F5: variants seen among roughly 807,000 people sequenced by gnomAD.
F5 encodes activated protein c cofactor.
F5 carries 138 observed loss-of-function variants against 216.4 expected under a neutral mutation model. The observed-to-expected ratio is 0.64, with a 90% CI of 0.56 to 0.73. The LOEUF is 0.73. F5 is among the 30% of genes least tolerant of loss of function. F5 has a pLI of 0.00. For synonymous variants in F5, 916 were observed against 930.7 expected, an observed-to-expected ratio of 0.98 and a Z score of 0.29; for missense variants, 2,403 against 2,674.0, an observed-to-expected ratio of 0.90 and a Z score of 2.24.
intron 2 of F5, among the ~76,000 whole-genome samples, chr1:169,577,792 G>C (rs1020933593): frequency 6.6e-6 from 1 of 151,394 alleles, no homozygotes; most frequent in Non-Finnish European, 1.5e-5. Context: ...GACCCCAGCT[G>C]TACTCCCTCA....
rs139113111 is a variant in F5 at position 169,542,699 on chromosome 1, G to A, written c.2391C>T (p.Ala797=). Reference sequence around the variant, plus strand: ...CTGTGGTGGCTTGTTGGTGAGAAGGGGCTTTCTGAGGTTCTGCAAGGTTAT... The same window carrying A: ...CTGTGGTGGCTTGTTGGTGAGAAGGAGCTTTCTGAGGTTCTGCAAGGTTAT... ...TVNNLAEPQK[A]PSHQQATTAG... Residue 797 remains alanine (A), a synonymous_variant, in exon 13 of 25, where the codon GCC becomes GCT. Coordinates refer to ENST00000367797, the MANE Select transcript of F5 (RefSeq NM_000130.5). 8.1e-6 allele frequency: 13 copies of A among 1,613,946 alleles called. No individual in the cohort carries two copies. The highest frequency in any genetic ancestry group is 7.6e-6 in the Non-Finnish European group (9 of 1,180,004).
chr1:169,533,704 C>T lies in F5; in HGVS notation c.4972-2682G>A, dbSNP rs147838710. ...TCAATACCACAGTGAAATACCATCT[C>T]ACACCAGTCAGAATGGCTATTAGTA... On this transcript the variant is annotated intron_variant, in intron 14 of 24. Transcript: ENST00000367797. Among the ~76,000 whole-genome samples the T allele has an allele frequency of 6.7e-3, 1,025 of 152,216 alleles. 7 individuals are homozygous for T. The highest frequency in any genetic ancestry group is 0.024 in the African/African-American group (983 of 41,532).
intron 19 of F5, among the ~76,000 whole-genome samples, chr1:169,524,613 G>C (rs1057113140): frequency 2.6e-5 from 4 of 152,164 alleles, no homozygotes; most frequent in African/African-American, 9.7e-5. Context: ...CACCAGAAGA[G>C]GTGGCAGTGT....
At position 169,556,713 on chromosome 1, in the gene F5, G is replaced by A. The variant is rs148752831; in HGVS notation, c.885C>T (p.Thr295=). The A allele has an allele frequency of 8.6e-5, 139 of 1,613,964 alleles. No homozygotes were observed. The African/African-American group carries it at 1.4e-3, about 17-fold the overall frequency. The change falls in exon 6 of 25, where the codon ACC becomes ACT. Residue 295 remains threonine, a synonymous_variant. Coordinates refer to ENST00000367797, the MANE Select transcript of F5 (RefSeq NM_000130.5). ...CCTCTGGGCCCACAGTCATATTTGC[G>A]GTAGTGGATGTAGCACTGACAAGGG... ...AITLVSATST[T]ANMTVGPEGK...
At chr1:169,543,648 C>G (rs150419460) in intron 12 of F5, among the ~76,000 whole-genome samples, 1 of 152,294 alleles carries the variant, frequency 6.6e-6, no homozygotes, top group East Asian at 1.9e-4. Flanking sequence ...TTTTGAATCT[C>G]TGAAATGGCA....
Position 169,529,717 on chromosome 1 carries a change from G to C in F5, c.5310C>G (p.Val1770=). ...TTTCATCAAAGGTCATAAATAGTAA[G>C]ACAAATTCTCTCATGTCCATAGGCA... ...SNMPMDMREF[V]LLFMTFDEKK... The change falls in exon 16 of 25, where the codon GTC becomes GTG. Residue 1770 remains valine, a synonymous_variant. Coordinates refer to ENST00000367797, the MANE Select transcript of F5 (RefSeq NM_000130.5). The C allele has an allele frequency of 6.2e-7, 1 of 1,613,756 alleles. No individual in the cohort carries two copies. The highest frequency in any genetic ancestry group is 8.5e-7 in the Non-Finnish European group (1 of 1,179,776).
Position 169,520,638 on chromosome 1 carries a change from A to G in F5, c.6075T>C (p.Ser2025=). The change falls in exon 22 of 25, where the codon TCT becomes TCC. Residue 2025 remains serine, a synonymous_variant. Transcript: ENST00000367797. ...GGTCAAACTGATTCTCTTTTATTGT[A>G]GAGGCATCTGAATTGCCATTAAAAT... ...VMYFNGNSDA[S]TIKENQFDPP... 1 of 1,613,892 alleles carries G rather than the reference A, an allele frequency of 6.2e-7. No individual in the cohort carries two copies.
chr1:169,544,887 G>A (rs190348145), intron 11 of F5, among the ~76,000 whole-genome samples: 1 of 152,148 alleles, frequency 6.6e-6, no homozygotes, highest in Non-Finnish European at 1.5e-5. Flanking sequence ...TAGTCATTGG[G>A]TAAGAAGTAA....
At chr1:169,554,738 T>C (rs1660270466) in intron 7 of F5, among the ~76,000 whole-genome samples, 2 of 152,250 alleles carry the variant, frequency 1.3e-5, no homozygotes, top group South Asian at 2.1e-4. Flanking sequence ...GTGAATGTGA[T>C]AGATAAAAGT....
intron 2 of F5, among the ~76,000 whole-genome samples, chr1:169,580,550 A>G (rs1660964763): frequency 6.6e-6 from 1 of 151,818 alleles, no homozygotes; most frequent in Non-Finnish European, 1.5e-5. Context: ...TGCACAACTA[A>G]TTTTTGTATT....
At chr1:169,555,089 A>C in intron 7 of F5, 93 bp downstream of exon 7, 1 of 1,403,508 alleles carries the variant, frequency 7.1e-7, no homozygotes, top group Non-Finnish European at 1.0e-6. Context: ...TGTCCCCTTG[A>C]GAGCTGTGAA....
At chr1:169,549,733 A>C in intron 10 of F5, 68 bp downstream of exon 10, 1 of 1,156,756 alleles carries the variant, frequency 8.6e-7, no homozygotes, top group Non-Finnish European at 1.3e-6. Flanking sequence ...TTTAGCCAGG[A>C]GACCTAACAT....
intron 12 of F5, 68 bp downstream of exon 12, chr1:169,544,228 G>C (rs1427053626): frequency 7.4e-7 from 1 of 1,347,164 alleles, no homozygotes. Flanking sequence ...CTGGAGAGTT[G>C]CAGCAGACCT....
intron 13 of F5, among the ~76,000 whole-genome samples, chr1:169,538,092 A>T (rs551328390): frequency 3.3e-4 from 51 of 152,302 alleles, no homozygotes; most frequent in African/African-American, 1.1e-3. Context: ...TCTATAAACA[A>T]ATGAATGGAT....
Position 169,529,783 on chromosome 1 carries a change from G to A in F5, c.5244C>T (p.Leu1748=), listed in dbSNP as rs756292631. Residue 1748 remains leucine, a synonymous_variant, in exon 16 of 25, where the codon CTC becomes CTT. Coordinates refer to ENST00000367797, the MANE Select transcript of F5 (RefSeq NM_000130.5). ...KDIHSGLIGP[L]LICQKGILHK... is the part of the protein sequence containing the mutation. ...GTAGTATTCCTTTTTGGCAGATTAG[G>A]AGGGGACCTATCAAGCCTGAGTGAA... 1 of 1,613,506 alleles carries A rather than the reference G, an allele frequency of 6.2e-7. No homozygotes were observed. Among genetic ancestry groups the A allele is most frequent in the Non-Finnish European group, 8.5e-7 (1 of 1,179,706 alleles).
chr1:169,585,521 A>C (rs1661086535), intron 1 of F5, among the ~76,000 whole-genome samples: 1 of 152,200 alleles, frequency 6.6e-6, no homozygotes, highest in Non-Finnish European at 1.5e-5. Context: ...AATAGTTTGC[A>C]ACTCAAGGAT....
chr1:169,562,190 T>C (rs1176816099), intron 3 of F5, among the ~76,000 whole-genome samples: 1 of 152,160 alleles, frequency 6.6e-6, no homozygotes. Flanking sequence ...ATGCCATTTG[T>C]AGCCAATGCC....
chr1:169,515,514 T>C lies in F5; in HGVS notation c.6458A>G (p.Tyr2153Cys). The C allele has an allele frequency of 6.2e-7, 1 of 1,613,700 alleles. No homozygotes were observed. Among genetic ancestry groups the C allele is most frequent in the Non-Finnish European group, 8.5e-7 (1 of 1,179,688 alleles). ...TCCCTGCTCACTGTAGTGGATGGTATAGCTCTTTACATACATTTCAGAGGA... is the reference window on the plus strand; with the variant it reads ...TCCCTGCTCACTGTAGTGGATGGTACAGCTCTTTACATACATTTCAGAGGA... ...SLSSEMYVKS[Y>C]TIHYSEQGVE... is the part of the protein sequence containing the mutation. Residue 2153 changes from tyrosine to cysteine, a missense_variant, in exon 24 of 25, where the codon TAT becomes TGT. Around this residue, in one of 4 missense-constraint regions of F5, gnomAD observed 659 missense variants for 787.9 expected, o/e 0.84. Transcript: ENST00000367797.
rs1659434385 is a variant in F5 at position 169,525,920 on chromosome 1, T to C, written c.5697A>G (p.Pro1899=). 2 of 1,612,876 alleles carry C rather than the reference T, an allele frequency of 1.2e-6. No individual in the cohort carries two copies. The highest frequency in any genetic ancestry group is 1.7e-5 in the Admixed American group (1 of 59,962). ...GENQRAGMQT[P]FLIMDRDCRM... ...TGATACCTCTGTCCATGATAAGAAA[T>C]GGCGTTTGCATCCCTGCTCTCTGGT... is the stretch of plus-strand genomic sequence containing the variant. The change falls in exon 18 of 25, where the codon CCA becomes CCG. Residue 1899 remains proline (P), a synonymous_variant. Coordinates refer to ENST00000367797, the MANE Select transcript of F5 (RefSeq NM_000130.5).
Sources: allele counts gnomAD v4.1 joint callset (sites outside exome capture counted in the v4.1 genomes callset), GRCh38; gene constraint gnomAD v4.1.1; regional missense constraint gnomAD v4.1.1; transcripts MANE v1.5; gene names NCBI Gene and HGNC (gene_info 2026-07-23, HGNC 2026-07-21).